The following HLTF variants were observed in gnomAD, a reference collection of about 807,000 sequenced individuals.
HLTF encodes the protein DNA-dependent ATPase/E3 ubiquitin-protein ligase HLTF.
In HLTF, 127 loss-of-function variants were observed where a neutral mutation model predicts 129.4. The observed-to-expected ratio is 0.98, with a 90% CI of 0.85 to 1.14. HLTF has a LOEUF of 1.14. Among genes scored for constraint, HLTF ranks in the 50% most tolerant of loss-of-function variants. HLTF has a pLI of 0.00. For synonymous variants in HLTF, 332 were observed against 388.8 expected (o/e 0.85, Z 1.72); for missense variants, 1,139 against 1,187.1 (o/e 0.96, Z 0.60).
intron 3 of HLTF, among the ~76,000 whole-genome samples, 193 bp downstream of exon 3, chr3:149,075,688 A>T (rs928910584): frequency 6.6e-6 from 1 of 152,228 alleles, no homozygotes; most frequent in African/African-American, 2.4e-5. Context: ...TAGGAAAATG[A>T]GAGGACAATT....
At chr3:149,084,122 C>T (rs1419719313) in intron 2 of HLTF, among the ~76,000 whole-genome samples, 3 of 151,986 alleles carry the variant, frequency 2.0e-5, no homozygotes, top group African/African-American at 4.8e-5. Context: ...TCATAAAATG[C>T]CACAAGTATG....
At chr3:149,041,301 T>G (rs896452829) in intron 20 of HLTF, among the ~76,000 whole-genome samples, 189 bp downstream of exon 20, 2 of 152,188 alleles carry the variant, frequency 1.3e-5, no homozygotes, top group African/African-American at 4.8e-5. Context: ...ATATTGACTG[T>G]GAACATCTTT....
Position 149,073,214 on chromosome 3 carries a change from GAGA to G in HLTF, c.627+8_627+10del. On this transcript the variant is annotated splice_region_variant and intron_variant, in intron 5 of 24. Transcript: ENST00000310053. Reference sequence around the variant, plus strand: ...TTCACTTTTAGATTACAAAATAAAAGAGAAGCACACCTGTTCAGTTGTCATCTG... The same window carrying G: ...TTCACTTTTAGATTACAAAATAAAAGAGCACACCTGTTCAGTTGTCATCTG... 1 of 1,543,566 alleles carries G rather than the reference GAGA, an allele frequency of 6.5e-7. No homozygotes were observed. Among genetic ancestry groups the G allele is most frequent in the Non-Finnish European group, 8.8e-7 (1 of 1,139,612 alleles).
In HLTF at chr3:149,046,235, AT is replaced by A; in HGVS notation, c.1916del (p.Asn639IlefsTer43). 1 of 1,581,330 alleles carries A rather than the reference AT, an allele frequency of 6.3e-7. No individual in the cohort carries two copies. Among genetic ancestry groups the A allele is most frequent in the Non-Finnish European group, 8.6e-7 (1 of 1,156,742 alleles). On this transcript the variant is annotated frameshift_variant, in exon 18 of 25. Transcript: ENST00000310053. LOFTEE classifies it high-confidence loss of function. ...GLRRLQSLIKNITLRRTKTSK... is the reference protein window; with the variant it reads ...GLRRLQSLIKXITLRRTKTSK... ...TTGTCTTTGTTCTTCTAAGTGTAAT[AT>A]TTTTAATTAGGGACTGTAAACGCCT...
chr3:149,045,938 T>TA (rs1202350715), intron 18 of HLTF, 142 bp downstream of exon 18: 2 of 573,514 alleles, frequency 3.5e-6, no homozygotes, highest in Non-Finnish European at 3.0e-6. Flanking sequence ...TATTGATTTG[T>TA]AAAAAACACT....
At position 149,048,020 on chromosome 3, in the gene HLTF, G is replaced by C; in HGVS notation, c.1892+8C>G. The C allele has an allele frequency of 1.9e-6, 3 of 1,589,952 alleles. No individual in the cohort carries two copies. Among genetic ancestry groups the C allele is most frequent in the Admixed American group, 1.8e-5 (1 of 54,418 alleles). ...AACTAATATTAATCACTGTCTGAAA[G>C]TACTTACCTAAGTCCTCCTTCATCT... On this transcript the variant is annotated splice_region_variant and intron_variant, in intron 17 of 24. Coordinates refer to ENST00000310053, the MANE Select transcript of HLTF (RefSeq NM_003071.4).
At chr3:149,069,545 C>T (rs1490319561) in intron 7 of HLTF, among the ~76,000 whole-genome samples, 1 of 151,684 alleles carries the variant, frequency 6.6e-6, no homozygotes, top group East Asian at 1.9e-4. Flanking sequence ...CTCATTACTT[C>T]AGTACAAATC....
rs372909267 is a variant in HLTF at position 149,067,672 on chromosome 3, A to T, written c.990+568T>A. Among the ~76,000 whole-genome samples, 4 of 152,128 alleles carry T rather than the reference A, an allele frequency of 2.6e-5. 1 individual carries two copies. Among genetic ancestry groups the T allele is most frequent in the Admixed American group, 6.5e-5 (1 of 15,270 alleles). On this transcript the variant is annotated intron_variant, in intron 8 of 24. Coordinates refer to ENST00000310053, the MANE Select transcript of HLTF (RefSeq NM_003071.4). Reference sequence around the variant, plus strand: ...TGCCAGTCACTATGCCCAGCCTTTAAAACAATGTTGAGGGAAAAAAAAATA... The same window carrying T: ...TGCCAGTCACTATGCCCAGCCTTTATAACAATGTTGAGGGAAAAAAAAATA...
intron 23 of HLTF, 73 bp from the exon 24 acceptor site, chr3:149,035,071 C>T (rs996203494): frequency 1.2e-5 from 13 of 1,055,828 alleles, no homozygotes; most frequent in Non-Finnish European, 1.9e-5. Flanking sequence ...CCTTTCATTT[C>T]ACTAGTATTC....
intron 23 of HLTF, among the ~76,000 whole-genome samples, chr3:149,037,571 GAGA>G (rs1016893068): frequency 3.9e-5 from 6 of 152,002 alleles, no homozygotes; most frequent in African/African-American, 1.4e-4. Context: ...TAATCTTACT[GAGA>G]AGGATACCGT....
intron 14 of HLTF, among the ~76,000 whole-genome samples, chr3:149,052,868 T>A (rs1576592056): frequency 6.6e-6 from 1 of 152,052 alleles, no homozygotes; most frequent in East Asian, 1.9e-4. Flanking sequence ...CAGAAGAAAA[T>A]CAGCTTTTCT....
intron 7 of HLTF, among the ~76,000 whole-genome samples, chr3:149,070,043 G>A (rs1433505303): frequency 6.6e-6 from 1 of 152,122 alleles, no homozygotes; most frequent in Non-Finnish European, 1.5e-5. Flanking sequence ...TCATACATGG[G>A]TAAAATATTC....
intron 24 of HLTF, among the ~76,000 whole-genome samples, chr3:149,034,311 G>A (rs1030514388): frequency 1.4e-4 from 21 of 152,076 alleles, no homozygotes; most frequent in African/African-American, 4.8e-4. Flanking sequence ...TTATGGCACT[G>A]TTTTTATTAG....
chr3:149,065,856 G>A (rs1718333329), intron 8 of HLTF, among the ~76,000 whole-genome samples: 1 of 152,164 alleles, frequency 6.6e-6, no homozygotes, highest in Admixed American at 6.6e-5. Context: ...AATATTTTTA[G>A]AGATACGTAA....
intron 13 of HLTF, among the ~76,000 whole-genome samples, chr3:149,057,014 CAGG>C (rs1717499062): frequency 7.1e-6 from 1 of 139,920 alleles, no homozygotes; most frequent in African/African-American, 2.7e-5. Flanking sequence ...GAGGCTGAGG[CAGG>C]AGAATGGCGT....
chr3:149,085,256 A>G (rs981721083), intron 1 of HLTF, among the ~76,000 whole-genome samples: 8 of 152,196 alleles, frequency 5.3e-5, no homozygotes, highest in South Asian at 4.1e-4. Flanking sequence ...TTTGGGAGGC[A>G]GAGGCAGGTG....
chr3:149,048,140 T>G lies in HLTF; in HGVS notation c.1780A>C (p.Lys594Gln). 6.2e-7 allele frequency: 1 copy of G among 1,609,302 alleles called. No individual in the cohort carries two copies. The highest frequency in any genetic ancestry group is 8.5e-7 in the Non-Finnish European group (1 of 1,178,330). ...LTGTPIQNSL[K>Q]DLWSLLSFLK... ...AAGGAAAGAAGAGACCACAAGTCCT[T>G]TAAAGAATTCTGGATTGGAGTACCT... The change falls in exon 17 of 25, where the codon AAG becomes CAG. Residue 594 changes from lysine (K) to glutamine (Q), a missense_variant. Lys to Gln is a moderately conservative substitution (Grantham distance 53). Transcript: ENST00000310053.
Position 149,032,382 on chromosome 3 carries a change from GAAAAA to G in HLTF, c.2878-15_2878-11del, listed in dbSNP as rs761953733. Reference sequence around the variant, plus strand: ...AGTCCTTTACAATGAACTTTAAAAAGAAAAAAAAAAGTTAAGTAGTTTTTAAGGCA... The same window carrying G: ...AGTCCTTTACAATGAACTTTAAAAAGAAAAAGTTAAGTAGTTTTTAAGGCA... On this transcript the variant is annotated splice_polypyrimidine_tract_variant and intron_variant, in intron 24 of 24. Coordinates refer to ENST00000310053, the MANE Select transcript of HLTF (RefSeq NM_003071.4). The G allele has an allele frequency of 3.1e-6, 4 of 1,299,294 alleles. No homozygotes were observed. The African/African-American group carries it at 4.7e-5, about 15-fold the overall frequency. 80.5% of individuals were successfully genotyped at this position (1,299,294 alleles called of 1,614,324 possible).
At chr3:149,033,091 T>C (rs1576565626) in intron 24 of HLTF, among the ~76,000 whole-genome samples, 1 of 151,346 alleles carries the variant, frequency 6.6e-6, no homozygotes, top group African/African-American at 2.4e-5. Context: ...GATTTTAAAA[T>C]ACCCCAACTA....
Sources: gnomAD v4.1 joint callset for allele counts (sites outside exome capture counted in the v4.1 genomes callset) on GRCh38, gnomAD v4.1.1 for gene constraint, MANE v1.5 for transcripts, NCBI Gene and HGNC (gene_info 2026-07-23, HGNC 2026-07-21) for gene names.